The following CES5A variants were observed in gnomAD, a reference collection of about 807,000 sequenced individuals.
CES5A encodes carboxylesterase 5.
A neutral mutation model predicts 62.9 loss-of-function variants in CES5A; 67 were observed. The observed-to-expected ratio is 1.07, with a 90% CI of 0.88 to 1.31. The LOEUF (loss-of-function observed/expected upper bound fraction) is 1.31, where lower values mean the gene tolerates loss of function less well. CES5A is among the 50% of genes most tolerant of loss of function. The pLI, the probability that CES5A is intolerant of heterozygous loss-of-function variation, is 0.00. For synonymous variants in CES5A, 296 were observed against 280.8 expected, an observed-to-expected ratio of 1.05 and a Z score of -0.54; for missense variants, 748 against 708.5, an observed-to-expected ratio of 1.06 and a Z score of -0.63.
rs1289924067 is a variant in CES5A at position 55,852,771 on chromosome 16, C to T, written c.1273+110G>A. Reference sequence around the variant, plus strand: ...CCAGGCACACCTGGAAATGCACTTTCCATGATAGAACAGAGGCAGAGAAGG... The same window carrying T: ...CCAGGCACACCTGGAAATGCACTTTTCATGATAGAACAGAGGCAGAGAAGG... On this transcript the variant is annotated intron_variant, in intron 10 of 12. Coordinates refer to ENST00000290567, the MANE Select transcript of CES5A (RefSeq NM_001143685.2). The T allele has an allele frequency of 1.4e-5, 18 of 1,263,118 alleles. No individual in the cohort carries two copies. The African/African-American group carries it at 2.5e-4, about 18-fold the overall frequency. The allele number at this position is 1,263,118 out of a possible 1,614,324, so 78.2% of individuals were successfully genotyped here.
intron 2 of CES5A, among the ~76,000 whole-genome samples, chr16:55,942,382 A>G (rs1195637977): frequency 1.3e-5 from 2 of 152,242 alleles, no homozygotes; most frequent in African/African-American, 4.8e-5. Context: ...TAAAATGGCA[A>G]GCTACCTTTT....
In CES5A at chr16:55,869,677, AGGGC is replaced by A. The variant is rs760325275; in HGVS notation, c.481_484del (p.Ala161TrpfsTer16). On this transcript the variant is annotated frameshift_variant, in exon 4 of 13. Coordinates refer to ENST00000290567, the MANE Select transcript of CES5A (RefSeq NM_001143685.2). LOFTEE classifies it high-confidence loss of function. ...AACCAGCACGTCCTCATAGGCAGCC[AGGGC>A]GGACCCATCAAAGATGGAGGCTGAG... is the stretch of plus-strand genomic sequence containing the variant. The A allele has an allele frequency of 6.5e-4, 1,043 of 1,612,880 alleles. 1 individual carries two copies. Among genetic ancestry groups the A allele is most frequent in the Non-Finnish European group, 8.4e-4 (993 of 1,179,500 alleles).
At chr16:55,906,976 C>G (rs1167674835) in intron 1 of CES5A, among the ~76,000 whole-genome samples, 1 of 152,220 alleles carries the variant, frequency 6.6e-6, no homozygotes, top group Non-Finnish European at 1.5e-5. Context: ...GAGGAATAGT[C>G]TCTGCCCATA....
chr16:55,900,634 G>A (rs1322741088), intron 1 of CES5A, among the ~76,000 whole-genome samples: 1 of 152,178 alleles, frequency 6.6e-6, no homozygotes, highest in East Asian at 1.9e-4. Flanking sequence ...AATTCTGCTT[G>A]TCAGGGCTGA....
intron 5 of CES5A, among the ~76,000 whole-genome samples, chr16:55,864,474 G>A (rs1355361907): frequency 6.6e-6 from 1 of 152,090 alleles, no homozygotes; most frequent in African/African-American, 2.4e-5. Flanking sequence ...AACCTGTTTT[G>A]TCAATTTCAC....
intron 1 of CES5A, among the ~76,000 whole-genome samples, chr16:55,874,329 T>C (rs2033656495): frequency 6.6e-6 from 1 of 152,120 alleles, no homozygotes; most frequent in Non-Finnish European, 1.5e-5. Context: ...TGAGAGCGCT[T>C]TCTTTCTACA....
At chr16:55,871,479 A>C in intron 3 of CES5A, 146 bp downstream of exon 3, 1 of 847,178 alleles carries the variant, frequency 1.2e-6, no homozygotes, top group Non-Finnish European at 1.7e-6. Flanking sequence ...TATCATTCAA[A>C]TGATTTTTAA....
intron 5 of CES5A, among the ~76,000 whole-genome samples, chr16:55,865,178 C>A (rs1200857332): frequency 6.6e-6 from 1 of 152,048 alleles, no homozygotes; most frequent in Admixed American, 6.5e-5. Flanking sequence ...TGCACTCCAG[C>A]CTGGGCAACA....
chr16:55,856,335 T>A, intron 9 of CES5A, 42 bp downstream of exon 9: 1 of 1,581,276 alleles, frequency 6.3e-7, no homozygotes, highest in Non-Finnish European at 8.7e-7. Context: ...ATCTGTTAAG[T>A]GCATGTGTCT....
At chr16:55,917,221 C>T (rs1391807108) in intron 1 of CES5A, among the ~76,000 whole-genome samples, 1 of 152,244 alleles carries the variant, frequency 6.6e-6, no homozygotes, top group Non-Finnish European at 1.5e-5. Context: ...TGACCTCTCC[C>T]TTAAGCTCCA....
intron 11 of CES5A, 34 bp downstream of exon 11, chr16:55,849,590 T>C: frequency 6.2e-7 from 1 of 1,608,986 alleles, no homozygotes; most frequent in Non-Finnish European, 8.5e-7. Flanking sequence ...GCAAGGGGCT[T>C]CATGTGAACT....
At chr16:55,847,271 C>T (rs1200656112) in intron 11 of CES5A, among the ~76,000 whole-genome samples, 1 of 149,608 alleles carries the variant, frequency 6.7e-6, no homozygotes, top group East Asian at 2.0e-4. Flanking sequence ...TCCCCTCTCT[C>T]TTCCTTCCCT....
chr16:55,862,765 T>G (rs1260960306), intron 6 of CES5A, among the ~76,000 whole-genome samples: 3 of 152,222 alleles, frequency 2.0e-5, no homozygotes, highest in Non-Finnish European at 2.9e-5. Flanking sequence ...ATTCATTAAC[T>G]CATTCATCCG....
At chr16:55,855,500 T>C (rs779020480) in intron 9 of CES5A, among the ~76,000 whole-genome samples, 1 of 152,140 alleles carries the variant, frequency 6.6e-6, no homozygotes, top group Non-Finnish European at 1.5e-5. Context: ...TGGTGTGTAG[T>C]GAATACAGAT....
intron 7 of CES5A, 79 bp downstream of exon 7, chr16:55,861,333 A>C: frequency 1.3e-6 from 1 of 755,032 alleles, no homozygotes; most frequent in Admixed American, 2.5e-5. Flanking sequence ...AATTCAAATA[A>C]ATAACAGAGG....
intron 4 of CES5A, among the ~76,000 whole-genome samples, chr16:55,866,846 T>A (rs1258855907): frequency 1.3e-5 from 2 of 150,906 alleles, no homozygotes; most frequent in South Asian, 2.1e-4. Flanking sequence ...TCAAAAAAAA[T>A]AAAAATAAAA....
chr16:55,869,587 T>C, intron 4 of CES5A, 24 bp downstream of exon 4: 1 of 1,611,602 alleles, frequency 6.2e-7, no homozygotes, highest in Non-Finnish European at 8.5e-7. Context: ...GGATCTGGGA[T>C]GTCCATCATT....
rs2033493535 is a variant in CES5A, at chr16:55,867,720, C to G, written c.552-1604G>C. On this transcript the variant is annotated intron_variant, in intron 4 of 12. Transcript: ENST00000290567. ...CTCGAGCACAGGATTCACAGCCTGGCCACTTATTATCTGGGTGACCTTGGG... is the reference window on the plus strand; with the variant it reads ...CTCGAGCACAGGATTCACAGCCTGGGCACTTATTATCTGGGTGACCTTGGG... 2.0e-5 allele frequency among the ~76,000 whole-genome samples: 3 copies of G among 152,338 alleles called. No homozygotes were observed. In the East Asian group the frequency reaches 5.8e-4, roughly 29 times the overall value.
At chr16:55,855,271 C>T (rs1394908448) in intron 9 of CES5A, among the ~76,000 whole-genome samples, 2 of 152,190 alleles carry the variant, frequency 1.3e-5, no homozygotes, top group Non-Finnish European at 2.9e-5. Flanking sequence ...TGAACATCGG[C>T]ACTGAGTCCA....
Sources: allele counts gnomAD v4.1 joint callset (sites outside exome capture counted in the v4.1 genomes callset), GRCh38; gene constraint gnomAD v4.1.1; transcripts MANE v1.5; gene names NCBI Gene and HGNC (gene_info 2026-07-23, HGNC 2026-07-21).